Variants in ADAM22 observed in about 807,000 individuals in gnomAD.
ADAM22 encodes disintegrin and metalloproteinase domain-containing protein 22.
ADAM22 carries 65 observed loss-of-function variants against 144.6 expected under a neutral mutation model. The ratio of observed to expected loss-of-function variants is 0.45; its 90% CI spans 0.37 to 0.55. The LOEUF is 0.55. ADAM22 is among the 20% of genes least tolerant of loss of function. ADAM22 has a pLI of 0.00. For synonymous variants in ADAM22, 391 were observed against 412.6 expected, an observed-to-expected ratio of 0.95 and a Z score of 0.63; for missense variants, 974 against 1,184.9, an observed-to-expected ratio of 0.82 and a Z score of 2.61.
At chr7:88,010,210 G>A (rs1160366203) in intron 3 of ADAM22, among the ~76,000 whole-genome samples, 4 of 152,052 alleles carry the variant, frequency 2.6e-5, no homozygotes, top group Admixed American at 2.6e-4. Context: ...TGGAACACTG[G>A]CTATAAGGTG....
chr7:88,020,156 T>G (rs1435324137), intron 3 of ADAM22, among the ~76,000 whole-genome samples: 1 of 152,182 alleles, frequency 6.6e-6, no homozygotes, highest in African/African-American at 2.4e-5. Context: ...TATCGTGGTG[T>G]TAATGCGCAG....
intron 2 of ADAM22, among the ~76,000 whole-genome samples, chr7:87,953,912 C>T (rs1196328247): frequency 2.0e-5 from 3 of 152,120 alleles, no homozygotes; most frequent in Non-Finnish European, 4.4e-5. Flanking sequence ...TTCTTTGTCT[C>T]TTTTGATCTT....
chr7:88,128,603 T>A lies in ADAM22; in HGVS notation c.680T>A (p.Leu227His). The A allele has an allele frequency of 6.2e-7, 1 of 1,611,212 alleles. No homozygotes were observed. Among genetic ancestry groups the A allele is most frequent in the Non-Finnish European group, 8.5e-7 (1 of 1,177,638 alleles). The change falls in exon 9 of 32, where the codon CTT becomes CAT. Residue 227 changes from leucine to histidine, a missense_variant and splice_region_variant. Physicochemically the swap from Leu to His is moderately conservative, Grantham distance 99. Around this residue, in one of 2 missense-constraint regions of ADAM22, gnomAD observed 734 missense variants for 950.6 expected, o/e 0.77. Coordinates refer to ENST00000413139, the MANE Select transcript of ADAM22 (RefSeq NM_001324418.2). The stretch of plus-strand genomic sequence containing the variant: ...GCTGTTTCCTTTCCTGTGTTACAGC[T>A]TCGTCGATATCCTCGTAATGTAGAA... ...KPRPKRSKRQ[L>H]RRYPRNVEEE...
Position 88,131,484 on chromosome 7 carries a change from A to G in ADAM22, c.992+49A>G, listed in dbSNP as rs776277149. The stretch of plus-strand genomic sequence containing the variant: ...ATTACTTTTTTTGATTCCATGTTAA[A>G]TGCTTTATTGTGACTGAAATGTATC... On this transcript the variant is annotated intron_variant, in intron 11 of 31. Coordinates refer to ENST00000413139, the MANE Select transcript of ADAM22 (RefSeq NM_001324418.2). 29 of 1,575,410 alleles carry G rather than the reference A, an allele frequency of 1.8e-5. No homozygotes were observed. In the East Asian group the frequency reaches 6.5e-4, roughly 35 times the overall value.
At chr7:88,044,172 T>C (rs1433183000) in intron 3 of ADAM22, among the ~76,000 whole-genome samples, 1 of 152,228 alleles carries the variant, frequency 6.6e-6, no homozygotes, top group Non-Finnish European at 1.5e-5. Context: ...AAATATTACA[T>C]TGCAGTTCCA....
intron 3 of ADAM22, among the ~76,000 whole-genome samples, chr7:87,990,057 T>G (rs1789419518): frequency 6.6e-6 from 1 of 152,226 alleles, no homozygotes; most frequent in African/African-American, 2.4e-5. Flanking sequence ...TATTTACTCA[T>G]TTATTCATTC....
chr7:88,015,074 A>G (rs1029578329), intron 3 of ADAM22, among the ~76,000 whole-genome samples: 2 of 151,976 alleles, frequency 1.3e-5, no homozygotes, highest in Admixed American at 6.6e-5. Context: ...ATTTCTTCTC[A>G]TCTTGAATAA....
At chr7:88,177,366 G>A (rs1373303289) in intron 26 of ADAM22, among the ~76,000 whole-genome samples, 1 of 151,684 alleles carries the variant, frequency 6.6e-6, no homozygotes, top group African/African-American at 2.4e-5. Flanking sequence ...TATAGCTGGT[G>A]TCATGTAACA....
intron 3 of ADAM22, among the ~76,000 whole-genome samples, chr7:88,043,025 C>G (rs147928099): frequency 7.7e-4 from 117 of 151,856 alleles, no homozygotes; most frequent in African/African-American, 2.7e-3. Context: ...GGTGACCTTT[C>G]AATTAGCTTA....
At chr7:88,006,519 C>T (rs1435172353) in intron 3 of ADAM22, among the ~76,000 whole-genome samples, 11 of 152,034 alleles carry the variant, frequency 7.2e-5, no homozygotes, top group East Asian at 3.9e-4. Context: ...ACTGGCAAAC[C>T]GAATCCAGCA....
At chr7:87,974,922 T>C (rs574118003) in intron 2 of ADAM22, among the ~76,000 whole-genome samples, 6 of 152,248 alleles carry the variant, frequency 3.9e-5, no homozygotes, top group African/African-American at 1.2e-4. Context: ...CATCATACCT[T>C]CTTCTCTGGT....
chr7:88,096,230 CT>C (rs35118504), intron 4 of ADAM22, among the ~76,000 whole-genome samples: 65,010 of 146,654 alleles, frequency 0.44, 15,392 homozygotes, highest in East Asian at 0.87. Flanking sequence ...GCTGAAAATA[CT>C]TTTTTTTTTT....
intron 2 of ADAM22, among the ~76,000 whole-genome samples, chr7:87,946,064 A>G (rs995876299): frequency 3.3e-5 from 5 of 151,896 alleles, no homozygotes; most frequent in African/African-American, 4.8e-5. Context: ...CTTTTTAATA[A>G]TAGCCATTCT....
intron 26 of ADAM22, among the ~76,000 whole-genome samples, chr7:88,175,287 G>A (rs1210764872): frequency 6.6e-6 from 1 of 152,022 alleles, no homozygotes; most frequent in African/African-American, 2.4e-5. Context: ...TTCTGAAGTG[G>A]AATAAGAATA....
chr7:87,990,043 G>T (rs1789416416), intron 3 of ADAM22, among the ~76,000 whole-genome samples: 1 of 152,032 alleles, frequency 6.6e-6, no homozygotes, highest in Non-Finnish European at 1.5e-5. Flanking sequence ...CTTATTTGTT[G>T]ATTTATTTAC....
intron 23 of ADAM22, 137 bp downstream of exon 23, chr7:88,163,317 A>G (rs1032965051): frequency 1.6e-6 from 1 of 626,998 alleles, no homozygotes; most frequent in Non-Finnish European, 2.4e-6. Context: ...TACTAATTCA[A>G]TTATAGTTAT....
intron 3 of ADAM22, among the ~76,000 whole-genome samples, chr7:88,018,666 G>C (rs1412755835): frequency 2.6e-5 from 4 of 152,178 alleles, no homozygotes; most frequent in Admixed American, 2.6e-4. Flanking sequence ...TTTTGCAATT[G>C]AACTCACTCT....
At chr7:88,177,770 A>T (rs1846039213) in intron 26 of ADAM22, among the ~76,000 whole-genome samples, 1 of 152,222 alleles carries the variant, frequency 6.6e-6, no homozygotes, top group African/African-American at 2.4e-5. Flanking sequence ...AAACACCTGA[A>T]AATGGCATTT....
chr7:88,113,718 A>G (rs1485072138), intron 5 of ADAM22, among the ~76,000 whole-genome samples: 4 of 114,080 alleles, frequency 3.5e-5, no homozygotes, highest in African/African-American at 1.4e-4. Context: ...ATATATATAT[A>G]TATATATATA....
Sources: gnomAD v4.1 joint callset for allele counts (sites outside exome capture counted in the v4.1 genomes callset) on GRCh38, gnomAD v4.1.1 for gene constraint, gnomAD v4.1.1 regional missense constraint, MANE v1.5 for transcripts, NCBI Gene and HGNC (gene_info 2026-07-23, HGNC 2026-07-21) for gene names.